SPOCK2: variants seen among roughly 807,000 people sequenced by gnomAD.
SPOCK2 encodes the protein testican-2.
Under a neutral mutation model 60.1 loss-of-function variants are expected in SPOCK2, and 39 were observed. The ratio of observed to expected loss-of-function variants is 0.65; its 90% CI spans 0.50 to 0.85. The LOEUF (loss-of-function observed/expected upper bound fraction) is 0.85. SPOCK2 is among the 40% of genes least tolerant of loss of function. The pLI, the probability that SPOCK2 is intolerant of heterozygous loss-of-function variation, is 0.00. For synonymous variants in SPOCK2, 217 were observed against 231.5 expected (o/e 0.94, Z 0.57); for missense variants, 523 against 567.4 (o/e 0.92, Z 0.80).
Position 72,062,920 on chromosome 10 carries a change from A to G in SPOCK2, c.1130-15T>C. On this transcript the variant is annotated splice_polypyrimidine_tract_variant and intron_variant, in intron 10 of 10. Coordinates refer to ENST00000373109, the MANE Select transcript of SPOCK2 (RefSeq NM_001244950.2). This position sits in a 1 kb window ranked among gnomAD's most constrained non-coding sequence, Gnocchi z 4.3. ...CACGATGTCATCTGTGAGGGGATCA[A>G]GCCAACAGGGGGTGAGGGAGCTTCT... The G allele has an allele frequency of 6.3e-7, 1 of 1,596,334 alleles. No individual in the cohort carries two copies. Among genetic ancestry groups the G allele is most frequent in the Non-Finnish European group, 8.5e-7 (1 of 1,174,276 alleles).
intron 1 of SPOCK2, among the ~76,000 whole-genome samples, chr10:72,081,467 C>T (rs954265601): frequency 4.6e-5 from 7 of 152,176 alleles, no homozygotes; most frequent in East Asian, 1.9e-4. Context: ...GGGGGCTGGA[C>T]GCCCCACCCT....
Position 72,060,769 on chromosome 10 carries a change from A to T in SPOCK2, c.*1991T>A, listed in dbSNP as rs775011523. The stretch of plus-strand genomic sequence containing the variant: ...CTCAACAATCAGAACTGGGCTGCGG[A>T]ATGGGAAGCAGTTTATGGAGTTAAG... On this transcript the variant is annotated 3_prime_UTR_variant, in exon 11 of 11. Coordinates refer to ENST00000373109, the MANE Select transcript of SPOCK2 (RefSeq NM_001244950.2). 9.8e-5 allele frequency: 15 copies of T among 152,496 alleles called. No individual in the cohort carries two copies. Among genetic ancestry groups the T allele is most frequent in the Non-Finnish European group, 2.1e-4 (14 of 68,068 alleles). The allele number at this position is 152,496 out of a possible 1,614,324, so 9.4% of individuals were successfully genotyped here.
At chr10:72,067,253 T>C in intron 7 of SPOCK2, 133 bp from the exon 8 acceptor site, 1 of 942,098 alleles carries the variant, frequency 1.1e-6, no homozygotes. Context: ...AACCATGGGA[T>C]TGAGAAACTC....
chr10:72,063,074 C>T lies in SPOCK2; in HGVS notation c.1080G>A (p.Gln360=). The T allele has an allele frequency of 6.4e-7, 1 of 1,554,512 alleles. No individual in the cohort carries two copies. The highest frequency in any genetic ancestry group is 8.7e-7 in the Non-Finnish European group (1 of 1,148,582). Residue 360 remains glutamine (Q), a synonymous_variant, in exon 10 of 11, where the codon CAG becomes CAA. Coordinates refer to ENST00000373109, the MANE Select transcript of SPOCK2 (RefSeq NM_001244950.2). ...GCGTGCCAGTCAGCTCCAGGCCCAGCTGGTCCACACACCAGCAGTCACCGC... is the reference window on the plus strand; with the variant it reads ...GCGTGCCAGTCAGCTCCAGGCCCAGTTGGTCCACACACCAGCAGTCACCGC... ...QSSGDCWCVD[Q]LGLELTGTRT... is the part of the protein sequence containing the mutation.
At chr10:72,067,874 G>A (rs560380750) in intron 6 of SPOCK2, 142 bp from the exon 7 acceptor site, 4 of 1,321,408 alleles carry the variant, frequency 3.0e-6, no homozygotes, top group East Asian at 5.1e-5. Context: ...GAAATCGGGG[G>A]CTTCCTCTCG....
intron 1 of SPOCK2, among the ~76,000 whole-genome samples, chr10:72,074,685 G>C (rs1372935789): frequency 6.6e-6 from 1 of 152,198 alleles, no homozygotes; most frequent in African/African-American, 2.4e-5. Flanking sequence ...CTTCCGCAGT[G>C]AGAGAAGGAG....
At position 72,082,360 on chromosome 10, in the gene SPOCK2, G is replaced by A. The variant is rs567756320; in HGVS notation, c.189+5780C>T. Reference sequence around the variant, plus strand: ...CTGGGCATACATTTTTCCCATCCACGGCTCTTAGAAGACCCACATTGCTCC... The same window carrying A: ...CTGGGCATACATTTTTCCCATCCACAGCTCTTAGAAGACCCACATTGCTCC... On this transcript the variant is annotated intron_variant, in intron 1 of 10. Transcript: ENST00000373109. 5.3e-5 allele frequency among the ~76,000 whole-genome samples: 8 copies of A among 152,308 alleles called. No homozygotes were observed. In the East Asian group the frequency reaches 7.7e-4, roughly 15 times the overall value.
chr10:72,072,648 T>C, intron 2 of SPOCK2, 100 bp from the exon 3 acceptor site: 4 of 1,551,186 alleles, frequency 2.6e-6, no homozygotes, highest in Non-Finnish European at 3.5e-6. Context: ...AGCGATGTCA[T>C]GTGCCAATGG....
At chr10:72,070,230 G>A (rs944644791) in intron 5 of SPOCK2, 82 bp downstream of exon 5, 2 of 1,379,942 alleles carry the variant, frequency 1.4e-6, no homozygotes, top group Non-Finnish European at 2.0e-6. Context: ...CCCCTCCGGA[G>A]GCCCCAGCTG....
chr10:72,076,586 A>T (rs1325147885), intron 1 of SPOCK2, among the ~76,000 whole-genome samples: 3 of 152,170 alleles, frequency 2.0e-5, no homozygotes, highest in Admixed American at 6.5e-5. Flanking sequence ...CTTTTAATTT[A>T]AAAAAATGTT....
intron 7 of SPOCK2, 144 bp downstream of exon 7, chr10:72,067,469 G>C: frequency 7.1e-7 from 1 of 1,410,090 alleles, no homozygotes; most frequent in Non-Finnish European, 9.5e-7. Context: ...GACTTCTTTG[G>C]GGTGAAGGTT....
chr10:72,088,874 A>G (rs1385178703), upstream of SPOCK2: 1 of 152,496 alleles, frequency 6.6e-6, no homozygotes, highest in Non-Finnish European at 1.5e-5. Flanking sequence ...AAAGCCAGCC[A>G]GGCTCAGGTG....
chr10:72,067,260 A>C, intron 7 of SPOCK2, 140 bp from the exon 8 acceptor site: 1 of 899,196 alleles, frequency 1.1e-6, no homozygotes, highest in Non-Finnish European at 1.7e-6. Context: ...GGATTGAGAA[A>C]CTCGAGAACG....
Position 72,062,731 on chromosome 10 carries a change from C to A in SPOCK2, c.*29G>T, listed in dbSNP as rs184489269. 1.4e-4 allele frequency: 217 copies of A among 1,578,848 alleles called. 1 individual carries two copies. Among genetic ancestry groups the A allele is most frequent in the East Asian group, 1.1e-3 (51 of 44,620 alleles). ...GCTGCTCAGAGCTCTGCTGTTGAGTCCCCCCCGGCAGCCGGCTCCTGAGGG... is the reference window on the plus strand; with the variant it reads ...GCTGCTCAGAGCTCTGCTGTTGAGTACCCCCCGGCAGCCGGCTCCTGAGGG... On this transcript the variant is annotated 3_prime_UTR_variant, in exon 11 of 11. Transcript: ENST00000373109. The surrounding 1 kb of genome is among the most constrained non-coding windows in gnomAD (Gnocchi z 4.3).
Position 72,062,919 on chromosome 10 carries a change from A to C in SPOCK2, c.1130-14T>G. The C allele has an allele frequency of 2.5e-6, 4 of 1,596,614 alleles. No individual in the cohort carries two copies. The highest frequency in any genetic ancestry group is 3.4e-6 in the Non-Finnish European group (4 of 1,174,322). ...CCACGATGTCATCTGTGAGGGGATC[A>C]AGCCAACAGGGGGTGAGGGAGCTTC... On this transcript the variant is annotated splice_polypyrimidine_tract_variant and intron_variant, in intron 10 of 10. Coordinates refer to ENST00000373109, the MANE Select transcript of SPOCK2 (RefSeq NM_001244950.2). This position sits in a 1 kb window ranked among gnomAD's most constrained non-coding sequence, Gnocchi z 4.3.
At position 72,068,179 on chromosome 10, in the gene SPOCK2, G is replaced by T; in HGVS notation, c.589+8C>A. ...ACCCCTAGCCTGGTGGCCCAGCACTGTCCTCACCTGGTTTGCCATCGGCGG... is the reference window on the plus strand; with the variant it reads ...ACCCCTAGCCTGGTGGCCCAGCACTTTCCTCACCTGGTTTGCCATCGGCGG... On this transcript the variant is annotated splice_region_variant and intron_variant, in intron 6 of 10. Transcript: ENST00000373109. The T allele has an allele frequency of 6.2e-7, 1 of 1,605,984 alleles. No individual in the cohort carries two copies. Among genetic ancestry groups the T allele is most frequent in the Non-Finnish European group, 8.5e-7 (1 of 1,176,664 alleles).
intron 4 of SPOCK2, among the ~76,000 whole-genome samples, chr10:72,070,904 G>A (rs991112614): frequency 4.6e-5 from 7 of 152,116 alleles, no homozygotes; most frequent in African/African-American, 1.7e-4. Context: ...ATGGAAGCAT[G>A]GGAGTCCTGG....
At chr10:72,069,466 T>C (rs1018671821) in intron 5 of SPOCK2, among the ~76,000 whole-genome samples, 2 of 150,864 alleles carry the variant, frequency 1.3e-5, no homozygotes, top group African/African-American at 2.4e-5. Context: ...ATTTCTATGT[T>C]ACTTTTTTTT....
At chr10:72,064,374 C>A in intron 8 of SPOCK2, 134 bp from the exon 9 acceptor site, 1 of 975,264 alleles carries the variant, frequency 1.0e-6, no homozygotes, top group Non-Finnish European at 1.4e-6. Context: ...CGGGGTCACC[C>A]CACAGCAGGG....
Sources: allele counts gnomAD v4.1 joint callset (sites outside exome capture counted in the v4.1 genomes callset), GRCh38; gene constraint gnomAD v4.1.1; non-coding constraint Gnocchi (gnomAD v3.1); transcripts MANE v1.5; gene names NCBI Gene and HGNC (gene_info 2026-07-23, HGNC 2026-07-21).